The following CSMD1 variants were observed in gnomAD, a reference collection of about 807,000 sequenced individuals.
CSMD1 encodes CUB and Sushi multiple domains 1.
A neutral mutation model predicts 417.5 loss-of-function variants in CSMD1; 213 were observed. That is an observed-to-expected ratio of 0.51 (90% CI 0.46 to 0.57). CSMD1 has a LOEUF of 0.57. Ranked by LOEUF, CSMD1 falls within the 20% of genes least tolerant of loss-of-function variation. CSMD1 has a pLI of 0.00. For missense variants in CSMD1, 6,923 were observed against 4,529.7 expected (o/e 1.53, Z -15.17); for synonymous variants, 2,862 against 1,736.8 (o/e 1.65, Z -16.11).
At chr8:4,337,766 C>G (rs925551093) in intron 3 of CSMD1, among the ~76,000 whole-genome samples, 1 of 152,226 alleles carries the variant, frequency 6.6e-6, no homozygotes, top group East Asian at 1.9e-4. Flanking sequence ...TTACATTGGG[C>G]TGGAGTTATT....
intron 1 of CSMD1, among the ~76,000 whole-genome samples, chr8:4,800,888 T>G (rs9644372): frequency 0.049 from 7,468 of 152,292 alleles, 332 homozygotes; most frequent in East Asian, 0.24. Context: ...CACATGGAAC[T>G]TACGTCTTGT....
chr8:4,405,027 A>C (rs1006848133), intron 3 of CSMD1, among the ~76,000 whole-genome samples: 6 of 152,258 alleles, frequency 3.9e-5, no homozygotes, highest in Non-Finnish European at 8.8e-5. Flanking sequence ...ACTGAGGTTT[A>C]AACTAGCATG....
chr8:4,392,298 C>T (rs1803899293), intron 3 of CSMD1, among the ~76,000 whole-genome samples: 2 of 152,108 alleles, frequency 1.3e-5, no homozygotes, highest in South Asian at 4.1e-4. Context: ...TGGAATAAAA[C>T]ACAAGCGGCA....
At chr8:4,751,240 G>T (rs1444752349) in intron 1 of CSMD1, among the ~76,000 whole-genome samples, 1 of 152,028 alleles carries the variant, frequency 6.6e-6, no homozygotes, top group Non-Finnish European at 1.5e-5. Context: ...CACAAATTAG[G>T]CAGACATTGT....
intron 1 of CSMD1, among the ~76,000 whole-genome samples, chr8:4,843,368 G>A (rs1416800528): frequency 1.3e-5 from 2 of 152,104 alleles, no homozygotes; most frequent in East Asian, 3.9e-4. Flanking sequence ...ATACCTTAGG[G>A]ATGATTACGA....
intron 4 of CSMD1, among the ~76,000 whole-genome samples, chr8:4,004,489 T>A (rs962438329): frequency 1.9e-4 from 29 of 152,036 alleles, no homozygotes; most frequent in Non-Finnish European, 3.4e-4. Flanking sequence ...CTATTATATA[T>A]CTGGATTTTT....
At chr8:4,247,074 T>A (rs563214085) in intron 3 of CSMD1, among the ~76,000 whole-genome samples, 1 of 152,320 alleles carries the variant, frequency 6.6e-6, no homozygotes, top group South Asian at 2.1e-4. Flanking sequence ...ATCCAAGGGC[T>A]ACCCCATGGG....
chr8:4,687,842 C>T (rs1215289142), intron 1 of CSMD1, among the ~76,000 whole-genome samples: 2 of 147,918 alleles, frequency 1.4e-5, no homozygotes, highest in East Asian at 3.9e-4. Context: ...TACATACACA[C>T]ACACACACAC....
At chr8:3,864,737 C>G (rs1342321895) in intron 5 of CSMD1, among the ~76,000 whole-genome samples, 1 of 152,138 alleles carries the variant, frequency 6.6e-6, no homozygotes, top group African/African-American at 2.4e-5. Flanking sequence ...CTCCCCTCCT[C>G]TCCTAGTAAA....
At chr8:3,315,462 G>GTGTA (rs58150104) in intron 23 of CSMD1, among the ~76,000 whole-genome samples, 93 of 151,614 alleles carry the variant, frequency 6.1e-4, no homozygotes, top group African/African-American at 2.2e-3. Flanking sequence ...GTGTGTGTGT[G>GTGTA]ATTTTTAAAC....
intron 10 of CSMD1, among the ~76,000 whole-genome samples, chr8:3,502,222 G>T (rs143394092): frequency 6.6e-6 from 1 of 151,810 alleles, no homozygotes; most frequent in Non-Finnish European, 1.5e-5. Context: ...AAAATTAGCC[G>T]GGCATGGTGG....
chr8:3,505,817 G>T (rs2117367546), intron 10 of CSMD1, among the ~76,000 whole-genome samples: 1 of 152,104 alleles, frequency 6.6e-6, no homozygotes, highest in Middle Eastern at 3.4e-3. Context: ...AAATGTCTCA[G>T]GTATCGTATC....
At chr8:3,998,984 C>G (rs1165994379) in intron 4 of CSMD1, among the ~76,000 whole-genome samples, 2 of 146,456 alleles carry the variant, frequency 1.4e-5, no homozygotes, top group East Asian at 2.6e-4. Flanking sequence ...ATAACATAAA[C>G]TATATGATAG....
chr8:4,673,482 G>A (rs539939565), intron 1 of CSMD1, among the ~76,000 whole-genome samples: 2 of 152,242 alleles, frequency 1.3e-5, no homozygotes, highest in East Asian at 3.9e-4. Flanking sequence ...TAAAACCTCA[G>A]GAAATGATTG....
At chr8:3,153,159 C>T (rs1819306408) in intron 39 of CSMD1, among the ~76,000 whole-genome samples, 1 of 152,154 alleles carries the variant, frequency 6.6e-6, no homozygotes, top group Non-Finnish European at 1.5e-5. Context: ...GCCAAGATGG[C>T]CATGAGTGTG....
chr8:4,198,945 T>C (rs529377960), intron 3 of CSMD1, among the ~76,000 whole-genome samples: 2 of 133,806 alleles, frequency 1.5e-5, no homozygotes, highest in South Asian at 2.4e-4. Flanking sequence ...CGTGTGTGTA[T>C]TTATCTTTTT....
In CSMD1 at chr8:4,783,021, G is replaced by C. The variant is rs556893834; in HGVS notation, c.86-145463C>G. ...TGTGAGATCCAGATGGTCATGTCTG[G>C]AAATGGTAGCATTAACTCTATAAAC... On this transcript the variant is annotated intron_variant, in intron 1 of 69. Transcript: ENST00000635120. 1.1e-3 allele frequency among the ~76,000 whole-genome samples: 160 copies of C among 151,222 alleles called. 1 individual carries two copies. Among genetic ancestry groups the C allele is most frequent in the Non-Finnish European group, 2.0e-3 (133 of 67,936 alleles).
intron 5 of CSMD1, among the ~76,000 whole-genome samples, chr8:3,824,260 A>AG (rs1157297320): frequency 6.6e-6 from 1 of 152,164 alleles, no homozygotes; most frequent in Non-Finnish European, 1.5e-5. Flanking sequence ...ACCAAAAAAA[A>AG]AAAACTGCTG....
At chr8:4,226,358 CATACCATTTT>C (rs1327590729) in intron 3 of CSMD1, among the ~76,000 whole-genome samples, 1 of 152,160 alleles carries the variant, frequency 6.6e-6, no homozygotes, top group East Asian at 1.9e-4. Flanking sequence ...ATTTATCTGA[CATACCATTTT>C]GCATATACAA....
Sources: allele counts gnomAD v4.1 joint callset (sites outside exome capture counted in the v4.1 genomes callset), GRCh38; gene constraint gnomAD v4.1.1; transcripts MANE v1.5; gene names NCBI Gene and HGNC (gene_info 2026-07-23, HGNC 2026-07-21).